The following CNTLN variants were observed in gnomAD, a reference collection of about 807,000 sequenced individuals.
CNTLN encodes the protein centlein, also known as centlein, centrosomal protein.
In CNTLN, 212 loss-of-function variants were observed where a neutral mutation model predicts 180.0. That is an observed-to-expected ratio of 1.18 (90% CI 1.05 to 1.32). The LOEUF (loss-of-function observed/expected upper bound fraction) is 1.32. Ranked by LOEUF, CNTLN falls within the 40% of genes most tolerant of loss-of-function variation. CNTLN has a pLI of 0.00. For synonymous variants in CNTLN, 722 were observed against 563.1 expected (o/e 1.28, Z -3.99); for missense variants, 2,095 against 1,610.9 (o/e 1.30, Z -5.14).
At chr9:17,443,908 G>A (rs917417058) in intron 18 of CNTLN, among the ~76,000 whole-genome samples, 1 of 152,080 alleles carries the variant, frequency 6.6e-6, no homozygotes, top group Non-Finnish European at 1.5e-5. Context: ...AGAAACAAGG[G>A]AGAGAAAGTT....
intron 18 of CNTLN, among the ~76,000 whole-genome samples, chr9:17,434,551 A>G (rs890235800): frequency 1.6e-4 from 25 of 151,890 alleles, no homozygotes; most frequent in African/African-American, 5.8e-4. Context: ...TTTGTTATCA[A>G]ATTTTAGTTT....
At position 17,181,797 on chromosome 9, in the gene CNTLN, G is replaced by A. The variant is rs888261358; in HGVS notation, c.449+38421G>A. 1.1e-4 allele frequency among the ~76,000 whole-genome samples: 16 copies of A among 152,274 alleles called. 1 individual carries two copies. Among genetic ancestry groups the A allele is most frequent in the Admixed American group, 9.1e-4 (14 of 15,304 alleles). On this transcript the variant is annotated intron_variant, in intron 2 of 25. Transcript: ENST00000380647. ...TGATGCTCTTTTTTATTGCTGGATG[G>A]GTGTATTCTCACCCTTTATTAGGCC... is the stretch of plus-strand genomic sequence containing the variant.
intron 2 of CNTLN, among the ~76,000 whole-genome samples, chr9:17,220,632 G>A (rs1178892868): frequency 5.3e-5 from 8 of 152,026 alleles, no homozygotes; most frequent in Non-Finnish European, 1.2e-4. Context: ...GTTCCCCTCT[G>A]TGCAGCCATG....
At chr9:17,154,930 A>C (rs374590919) in intron 2 of CNTLN, among the ~76,000 whole-genome samples, 1 of 151,838 alleles carries the variant, frequency 6.6e-6, no homozygotes, top group African/African-American at 2.4e-5. Flanking sequence ...GCTGCTGCTC[A>C]CTCTTTGGGT....
chr9:17,367,091 A>G (rs1168898282), intron 13 of CNTLN, among the ~76,000 whole-genome samples: 1 of 152,200 alleles, frequency 6.6e-6, no homozygotes, highest in African/African-American at 2.4e-5. Flanking sequence ...AGAGGCACTG[A>G]AGAGGGTAGG....
intron 2 of CNTLN, among the ~76,000 whole-genome samples, chr9:17,191,012 A>G (rs1821756805): frequency 6.6e-6 from 1 of 152,306 alleles, no homozygotes; most frequent in Non-Finnish European, 1.5e-5. Context: ...TTTTTTCATG[A>G]TGCCTCAAGG....
At chr9:17,272,271 T>C (rs1261177825) in intron 5 of CNTLN, among the ~76,000 whole-genome samples, 2 of 151,982 alleles carry the variant, frequency 1.3e-5, no homozygotes, top group Non-Finnish European at 2.9e-5. Context: ...GAGGCGGGGT[T>C]TCACCACGTT....
intron 12 of CNTLN, among the ~76,000 whole-genome samples, chr9:17,346,006 T>G (rs1292975519): frequency 6.6e-6 from 1 of 152,214 alleles, no homozygotes; most frequent in Non-Finnish European, 1.5e-5. Context: ...TCTTCATTAT[T>G]TGTATTATTC....
intron 12 of CNTLN, among the ~76,000 whole-genome samples, chr9:17,343,199 A>G (rs1431534397): frequency 6.6e-6 from 1 of 152,244 alleles, no homozygotes; most frequent in Non-Finnish European, 1.5e-5. Flanking sequence ...CTGGCAAAGA[A>G]AGAACATTTA....
chr9:17,522,344 T>C, the CNTLN span, among the ~76,000 whole-genome samples: 3 of 152,214 alleles, frequency 2.0e-5, no homozygotes, highest in South Asian at 6.2e-4. Context: ...AACAGCCCTA[T>C]AAGGAAAAGG....
At chr9:17,381,008 T>G (rs540731173) in intron 13 of CNTLN, among the ~76,000 whole-genome samples, 1 of 152,214 alleles carries the variant, frequency 6.6e-6, no homozygotes, top group South Asian at 2.1e-4. Flanking sequence ...CGTGATTTCT[T>G]TGGCTAAAGC....
intron 6 of CNTLN, among the ~76,000 whole-genome samples, chr9:17,295,110 G>T (rs2132745784): frequency 6.6e-6 from 1 of 151,012 alleles, no homozygotes; most frequent in Admixed American, 6.6e-5. Flanking sequence ...TGGCGGGGCT[G>T]GCTGGCCGCT....
chr9:17,336,780 A>AT (rs1821071930), intron 10 of CNTLN, among the ~76,000 whole-genome samples: 1 of 152,218 alleles, frequency 6.6e-6, no homozygotes, highest in African/African-American at 2.4e-5. Flanking sequence ...ATAGGTGTAC[A>AT]TGTGCCATGG....
At chr9:17,475,292 G>C (rs1179607174) in intron 23 of CNTLN, among the ~76,000 whole-genome samples, 1 of 152,054 alleles carries the variant, frequency 6.6e-6, no homozygotes, top group South Asian at 2.1e-4. Flanking sequence ...TGGGGGTAAT[G>C]GGTTGGTTGG....
intron 2 of CNTLN, among the ~76,000 whole-genome samples, chr9:17,179,931 T>G (rs1270941650): frequency 4.6e-5 from 7 of 152,134 alleles, no homozygotes; most frequent in Admixed American, 1.3e-4. Flanking sequence ...TCCCTTACTT[T>G]CCCTAGTAAT....
At chr9:17,292,824 G>A (rs370040901) in intron 6 of CNTLN, among the ~76,000 whole-genome samples, 22 of 148,648 alleles carry the variant, frequency 1.5e-4, no homozygotes, top group South Asian at 9.0e-4. Context: ...CTCCACCTCC[G>A]CCCAGTTCTG....
chr9:17,364,191 CTGT>C (rs1379009481), intron 12 of CNTLN, among the ~76,000 whole-genome samples: 3 of 152,138 alleles, frequency 2.0e-5, no homozygotes, highest in Non-Finnish European at 4.4e-5. Flanking sequence ...AATATTTTGA[CTGT>C]TATCTCCCAT....
intron 2 of CNTLN, among the ~76,000 whole-genome samples, chr9:17,201,527 T>A (rs1171740306): frequency 6.6e-6 from 1 of 152,182 alleles, no homozygotes; most frequent in Middle Eastern, 3.2e-3. Flanking sequence ...GTTATTGGTC[T>A]ATTCAGGGAT....
intron 2 of CNTLN, among the ~76,000 whole-genome samples, chr9:17,207,216 A>G (rs1822986462): frequency 1.3e-5 from 2 of 152,124 alleles, no homozygotes; most frequent in African/African-American, 4.8e-5. Context: ...TTATTATATT[A>G]ATTCGCTTTT....
Sources: gnomAD v4.1 joint callset for allele counts (sites outside exome capture counted in the v4.1 genomes callset) on GRCh38, gnomAD v4.1.1 for gene constraint, MANE v1.5 for transcripts, NCBI Gene and HGNC (gene_info 2026-07-23, HGNC 2026-07-21) for gene names.